APBA1: variants seen among roughly 807,000 people sequenced by gnomAD.
APBA1 encodes the protein amyloid-beta A4 precursor protein-binding family A member 1.
In APBA1, 55 loss-of-function variants were observed where a neutral mutation model predicts 86.6. That is an observed-to-expected ratio of 0.64 (90% CI 0.51 to 0.80). The LOEUF (loss-of-function observed/expected upper bound fraction) is 0.80. Ranked by LOEUF, APBA1 falls within the 30% of genes least tolerant of loss-of-function variation. The pLI is 0.00. For missense variants in APBA1, 1,090 were observed against 1,183.0 expected (o/e 0.92, Z 1.15); for synonymous variants, 511 against 493.9 (o/e 1.03, Z -0.46).
intron 1 of APBA1, among the ~76,000 whole-genome samples, chr9:69,584,521 G>A (rs901946178): frequency 6.6e-6 from 1 of 152,160 alleles, no homozygotes; most frequent in Non-Finnish European, 1.5e-5. Context: ...CCTTAGGCAA[G>A]TTACTTAACC....
intron 3 of APBA1, among the ~76,000 whole-genome samples, chr9:69,474,007 C>T (rs1835405480): frequency 6.6e-6 from 1 of 152,152 alleles, no homozygotes; most frequent in African/African-American, 2.4e-5. Flanking sequence ...TAATCAAATG[C>T]TGAATATTTA....
intron 2 of APBA1, among the ~76,000 whole-genome samples, chr9:69,482,423 A>C (rs1478068680): frequency 1.3e-5 from 2 of 151,604 alleles, no homozygotes; most frequent in Non-Finnish European, 2.9e-5. Context: ...CCACAATGAG[A>C]TACCATCTCA....
chr9:69,595,493 C>T (rs565424004), intron 1 of APBA1, among the ~76,000 whole-genome samples: 6 of 152,302 alleles, frequency 3.9e-5, no homozygotes, highest in East Asian at 1.9e-4. Flanking sequence ...AATATTCTAG[C>T]GGATCTCTAA....
intron 1 of APBA1, among the ~76,000 whole-genome samples, chr9:69,529,129 G>C (rs1251412190): frequency 6.6e-6 from 1 of 151,988 alleles, no homozygotes; most frequent in East Asian, 1.9e-4. Context: ...TTGTTCCTGA[G>C]CTTCTTTGTA....
intron 11 of APBA1, among the ~76,000 whole-genome samples, chr9:69,439,632 AT>A (rs764121825): frequency 1.1e-4 from 17 of 152,166 alleles, no homozygotes; most frequent in South Asian, 4.2e-4. Flanking sequence ...TTTCAGCTCC[AT>A]CAGGTCCTTT....
At chr9:69,433,808 C>CT (rs35255395) in intron 11 of APBA1, among the ~76,000 whole-genome samples, 10,276 of 128,362 alleles carry the variant, frequency 0.08, 1,057 homozygotes, top group African/African-American at 0.25. Context: ...TTACCTAGGA[C>CT]TTTTTTTTTT....
intron 11 of APBA1, among the ~76,000 whole-genome samples, chr9:69,436,444 C>T (rs1435330216): frequency 5.3e-5 from 8 of 152,044 alleles, no homozygotes; most frequent in Admixed American, 2.0e-4. Flanking sequence ...TTGTATCCTC[C>T]TTTATTTCCT....
chr9:69,588,475 A>G (rs1419597623), intron 1 of APBA1, among the ~76,000 whole-genome samples: 1 of 152,134 alleles, frequency 6.6e-6, no homozygotes, highest in African/African-American at 2.4e-5. Context: ...GAGGAAATCA[A>G]TGATGTCCCC....
At chr9:69,543,603 G>T (rs1836653466) in intron 1 of APBA1, among the ~76,000 whole-genome samples, 1 of 152,026 alleles carries the variant, frequency 6.6e-6, no homozygotes, top group South Asian at 2.1e-4. Flanking sequence ...ACTCTTCTAT[G>T]CGCTTAAATA....
intron 1 of APBA1, among the ~76,000 whole-genome samples, chr9:69,658,222 CTCTTTCTTTCTTTCTTTCTT>C (rs1212486587): frequency 1.7e-3 from 173 of 104,302 alleles, no homozygotes; most frequent in African/African-American, 5.1e-3. Flanking sequence ...AGTCCTTTCT[CTCTTTCTTTCTTTCTTTCTT>C]TCTTTCTTTC....
At chr9:69,515,868 C>T (rs1004943828) in intron 2 of APBA1, 143 bp downstream of exon 2, 2 of 856,420 alleles carry the variant, frequency 2.3e-6, no homozygotes, top group African/African-American at 3.5e-5. Flanking sequence ...CAAGCTGTTT[C>T]TGAGGCTTAC....
intron 1 of APBA1, among the ~76,000 whole-genome samples, chr9:69,553,480 T>C (rs577004622): frequency 9.9e-5 from 15 of 152,252 alleles, no homozygotes; most frequent in African/African-American, 3.4e-4. Flanking sequence ...ATATACTCTT[T>C]TGTGTCTGGC....
At chr9:69,574,467 TA>T (rs961317423) in intron 1 of APBA1, among the ~76,000 whole-genome samples, 15 of 152,100 alleles carry the variant, frequency 9.9e-5, no homozygotes, top group African/African-American at 1.9e-4. Context: ...AAATTCACAT[TA>T]AAAAAAATCC....
intron 8 of APBA1, among the ~76,000 whole-genome samples, chr9:69,453,325 T>C (rs960140540): frequency 5.3e-5 from 8 of 152,214 alleles, no homozygotes; most frequent in African/African-American, 1.9e-4. Flanking sequence ...GGTCCAACCC[T>C]GCATTTTCCA....
chr9:69,639,554 C>T (rs1174328637), intron 1 of APBA1, among the ~76,000 whole-genome samples: 1 of 152,128 alleles, frequency 6.6e-6, no homozygotes, highest in African/African-American at 2.4e-5. Context: ...TTAATAGGCT[C>T]CTACTGTCCA....
intron 1 of APBA1, among the ~76,000 whole-genome samples, chr9:69,640,161 T>G (rs896521596): frequency 1.4e-4 from 22 of 152,154 alleles, no homozygotes; most frequent in Non-Finnish European, 2.9e-4. Flanking sequence ...ATTTTGCATA[T>G]GTACAACTCC....
intron 2 of APBA1, among the ~76,000 whole-genome samples, chr9:69,515,461 A>G (rs1239540116): frequency 6.6e-6 from 1 of 151,956 alleles, no homozygotes; most frequent in Non-Finnish European, 1.5e-5. Flanking sequence ...ACTCCTCCCT[A>G]TAAAACAACT....
chr9:69,570,869 T>G (rs1837104941), intron 1 of APBA1, among the ~76,000 whole-genome samples: 1 of 152,224 alleles, frequency 6.6e-6, no homozygotes, highest in Admixed American at 6.5e-5. Flanking sequence ...CCATTTTCCC[T>G]CTTGGTTTGT....
At chr9:69,594,223 T>C (rs1017762360) in intron 1 of APBA1, among the ~76,000 whole-genome samples, 1 of 152,120 alleles carries the variant, frequency 6.6e-6, no homozygotes, top group African/African-American at 2.4e-5. Flanking sequence ...AACTTCAATG[T>C]GCCTAAAATC....
Sources: allele counts gnomAD v4.1 joint callset (sites outside exome capture counted in the v4.1 genomes callset), GRCh38; gene constraint gnomAD v4.1.1; transcripts MANE v1.5; gene names NCBI Gene and HGNC (gene_info 2026-07-23, HGNC 2026-07-21).